NXPH2: variants seen among roughly 807,000 people sequenced by gnomAD.
The protein encoded by NXPH2 is neurexophilin 2, also known as neurexophilin-2.
NXPH2 carries 5 observed loss-of-function variants against 19.8 expected under a neutral mutation model. That is an observed-to-expected ratio of 0.25 (90% CI 0.13 to 0.53). The LOEUF (loss-of-function observed/expected upper bound fraction) is 0.53, where lower values mean the gene tolerates loss of function less well. NXPH2 is among the 20% of genes least tolerant of loss of function. The pLI, the probability that NXPH2 is intolerant of heterozygous loss-of-function variation, is 0.96. For synonymous variants in NXPH2, 154 were observed against 127.4 expected (o/e 1.21, Z -1.41); for missense variants, 289 against 322.8 (o/e 0.90, Z 0.80).
rs1020504377 is a variant in NXPH2 at position 138,701,284 on chromosome 2, A to G, written c.52-29619T>C. Among the ~76,000 whole-genome samples the G allele has an allele frequency of 2.0e-5, 3 of 152,312 alleles. No homozygotes were observed. In the South Asian group the frequency reaches 6.2e-4, roughly 32 times the overall value. On this transcript the variant is annotated intron_variant, in intron 1 of 1. Transcript: ENST00000272641. ...GGTGTGGTATCAGCCAGCCTAGGGAATGCCCATTGGTTGGCAGAACTGAAT... is the reference window on the plus strand; with the variant it reads ...GGTGTGGTATCAGCCAGCCTAGGGAGTGCCCATTGGTTGGCAGAACTGAAT...
At chr2:138,741,375 G>A (rs1022089439) in intron 1 of NXPH2, among the ~76,000 whole-genome samples, 4 of 152,156 alleles carry the variant, frequency 2.6e-5, no homozygotes, top group African/African-American at 9.7e-5. Context: ...AAATGCTGGT[G>A]GAAGAATGTT....
At chr2:138,685,158 C>T (rs1327700127) in intron 1 of NXPH2, among the ~76,000 whole-genome samples, 1 of 152,198 alleles carries the variant, frequency 6.6e-6, no homozygotes. Flanking sequence ...AAAAGCAAAA[C>T]TGAGGTTTCC....
chr2:138,685,163 G>T (rs928870645), intron 1 of NXPH2, among the ~76,000 whole-genome samples: 8 of 152,188 alleles, frequency 5.3e-5, no homozygotes, highest in Non-Finnish European at 8.8e-5. Context: ...CAAAACTGAG[G>T]TTTCCTTGAA....
At chr2:138,694,708 T>A (rs1680803905) in intron 1 of NXPH2, among the ~76,000 whole-genome samples, 1 of 152,184 alleles carries the variant, frequency 6.6e-6, no homozygotes, top group African/African-American at 2.4e-5. Context: ...ATGGTTCAAC[T>A]TACAATTTTA....
At chr2:138,756,266 T>C (rs910463461) in intron 1 of NXPH2, among the ~76,000 whole-genome samples, 4 of 152,082 alleles carry the variant, frequency 2.6e-5, no homozygotes, top group African/African-American at 9.7e-5. Flanking sequence ...GATCAAAACA[T>C]ATAATGCCAA....
chr2:138,694,303 C>G (rs934149027), intron 1 of NXPH2, among the ~76,000 whole-genome samples: 4 of 152,146 alleles, frequency 2.6e-5, no homozygotes, highest in Admixed American at 2.6e-4. Flanking sequence ...TCAACAAATC[C>G]TAACCCCGGG....
intron 1 of NXPH2, among the ~76,000 whole-genome samples, chr2:138,766,435 C>T (rs902083147): frequency 6.6e-6 from 1 of 152,068 alleles, no homozygotes; most frequent in Non-Finnish European, 1.5e-5. Context: ...TGTCTGGAGA[C>T]TTTTTTTGGT....
At chr2:138,676,311 T>C (rs754106840) in intron 1 of NXPH2, among the ~76,000 whole-genome samples, 2 of 152,218 alleles carry the variant, frequency 1.3e-5, no homozygotes, top group Non-Finnish European at 2.9e-5. Context: ...CTTCCTCTTG[T>C]TATTAATCAT....
chr2:138,678,472 G>A (rs1304800427), intron 1 of NXPH2, among the ~76,000 whole-genome samples: 1 of 109,414 alleles, frequency 9.1e-6, no homozygotes, highest in Non-Finnish European at 1.9e-5. Flanking sequence ...TAATTCCGTG[G>A]CACTTGGTTT....
At chr2:138,706,353 G>A (rs1206418644) in intron 1 of NXPH2, among the ~76,000 whole-genome samples, 1 of 152,184 alleles carries the variant, frequency 6.6e-6, no homozygotes. Context: ...CTCTAGAAAA[G>A]TTAAGAAGTT....
intron 1 of NXPH2, among the ~76,000 whole-genome samples, chr2:138,766,018 G>A (rs145238551): frequency 6.0e-4 from 92 of 152,276 alleles, no homozygotes; most frequent in Admixed American, 2.1e-3. Flanking sequence ...GACACAAAAC[G>A]AAATGTGTGA....
intron 1 of NXPH2, among the ~76,000 whole-genome samples, chr2:138,740,465 T>C (rs142876960): frequency 3.2e-4 from 48 of 152,356 alleles, no homozygotes; most frequent in Non-Finnish European, 5.4e-4. Context: ...TGAGGGGTTC[T>C]AGTCACCCTG....
chr2:138,762,837 C>G (rs1682037212), intron 1 of NXPH2, among the ~76,000 whole-genome samples: 1 of 152,192 alleles, frequency 6.6e-6, no homozygotes, highest in African/African-American at 2.4e-5. Context: ...AACAAGCTTG[C>G]TTAGTATAAT....
At chr2:138,730,797 C>T (rs953680709) in intron 1 of NXPH2, among the ~76,000 whole-genome samples, 1 of 152,198 alleles carries the variant, frequency 6.6e-6, no homozygotes, top group African/African-American at 2.4e-5. Context: ...CTCTTGCATT[C>T]TGTCCCAATT....
At chr2:138,678,655 T>C (rs539905770) in intron 1 of NXPH2, among the ~76,000 whole-genome samples, 1 of 152,218 alleles carries the variant, frequency 6.6e-6, no homozygotes, top group Non-Finnish European at 1.5e-5. Flanking sequence ...ATTATTCATA[T>C]TGCTATTTTA....
intron 1 of NXPH2, among the ~76,000 whole-genome samples, chr2:138,728,281 C>T (rs114717287): frequency 0.021 from 3,172 of 152,288 alleles, 49 homozygotes; most frequent in Non-Finnish European, 0.033. Context: ...AGAGGCTTCA[C>T]TAGAAATCAA....
intron 1 of NXPH2, among the ~76,000 whole-genome samples, chr2:138,730,427 T>A (rs2104999266): frequency 6.6e-6 from 1 of 152,294 alleles, no homozygotes; most frequent in Admixed American, 6.5e-5. Context: ...AGGTTAGGAC[T>A]TCAACATATG....
intron 1 of NXPH2, among the ~76,000 whole-genome samples, chr2:138,734,350 T>C (rs1681502339): frequency 6.6e-6 from 1 of 152,192 alleles, no homozygotes; most frequent in African/African-American, 2.4e-5. Context: ...ATTCAATGAG[T>C]CTGACTATCT....
At chr2:138,759,566 ATT>A (rs146083789) in intron 1 of NXPH2, among the ~76,000 whole-genome samples, 42 of 147,720 alleles carry the variant, frequency 2.8e-4, no homozygotes, top group Middle Eastern at 3.5e-3. Flanking sequence ...CCTTATTCTA[ATT>A]TTTTTTTTTT....
Sources: allele counts gnomAD v4.1 joint callset (sites outside exome capture counted in the v4.1 genomes callset), GRCh38; gene constraint gnomAD v4.1.1; transcripts MANE v1.5; gene names NCBI Gene and HGNC (gene_info 2026-07-23, HGNC 2026-07-21).